The following MACROH2A2 variants were observed in gnomAD, a reference collection of about 807,000 sequenced individuals.
The protein encoded by MACROH2A2 is macroH2A.2 histone.
In MACROH2A2, 6 loss-of-function variants were observed where a neutral mutation model predicts 37.6. The observed-to-expected ratio is 0.16, with a 90% CI of 0.09 to 0.32. The LOEUF is 0.32. Among genes scored for constraint, MACROH2A2 ranks in the 10% least tolerant of loss-of-function variants. MACROH2A2 has a pLI of 1.00. For synonymous variants in MACROH2A2, 192 were observed against 202.7 expected (o/e 0.95, Z 0.45); for missense variants, 290 against 485.9 (o/e 0.60, Z 3.79).
At chr10:70,069,588 C>T (rs555213158) in intron 1 of MACROH2A2, among the ~76,000 whole-genome samples, 3 of 152,200 alleles carry the variant, frequency 2.0e-5, no homozygotes, top group African/African-American at 7.2e-5. Context: ...CCAAGAGCTG[C>T]GTCCAGCCAT....
intron 1 of MACROH2A2, among the ~76,000 whole-genome samples, chr10:70,054,309 G>C (rs1416898738): frequency 6.6e-6 from 1 of 152,146 alleles, no homozygotes; most frequent in East Asian, 1.9e-4. Flanking sequence ...GACGCGATGG[G>C]AACCGTGGCT....
At chr10:70,069,150 A>G (rs1412910037) in intron 1 of MACROH2A2, among the ~76,000 whole-genome samples, 1 of 152,200 alleles carries the variant, frequency 6.6e-6, no homozygotes, top group Non-Finnish European at 1.5e-5. Context: ...CCGGTGTTAT[A>G]TATAAAATCT....
chr10:70,095,106 C>T (rs188282543), intron 5 of MACROH2A2, among the ~76,000 whole-genome samples: 2 of 152,280 alleles, frequency 1.3e-5, no homozygotes, highest in African/African-American at 4.8e-5. Flanking sequence ...CGGTGGCTCA[C>T]GCCTGTAATC....
chr10:70,108,801 C>T (rs927403237), intron 7 of MACROH2A2, among the ~76,000 whole-genome samples: 6 of 152,140 alleles, frequency 3.9e-5, no homozygotes, highest in African/African-American at 7.2e-5. Flanking sequence ...GAAAATGGCG[C>T]ATCAGAGCAG....
Position 70,102,043 on chromosome 10 carries a change from A to G in MACROH2A2, c.778+1746A>G, listed in dbSNP as rs142646415. Among the ~76,000 whole-genome samples, 33 of 152,246 alleles carry G rather than the reference A, an allele frequency of 2.2e-4. No homozygotes were observed. In the South Asian group the frequency reaches 5.4e-3, roughly 25 times the overall value. On this transcript the variant is annotated intron_variant, in intron 7 of 8. Coordinates refer to ENST00000373255, the MANE Select transcript of MACROH2A2 (RefSeq NM_018649.3). ...CATGTTCCCACCCACATGACTCCCAATCAGTTCACTCCTTGTACCCTCAGT... is the reference window on the plus strand; with the variant it reads ...CATGTTCCCACCCACATGACTCCCAGTCAGTTCACTCCTTGTACCCTCAGT...
chr10:70,096,116 C>T (rs2072275116), intron 6 of MACROH2A2, among the ~76,000 whole-genome samples: 2 of 152,128 alleles, frequency 1.3e-5, no homozygotes, highest in Non-Finnish European at 2.9e-5. Context: ...CAAGGGTAAC[C>T]ACTGTCCTTT....
intron 7 of MACROH2A2, among the ~76,000 whole-genome samples, chr10:70,102,996 T>G (rs951479582): frequency 1.3e-4 from 20 of 151,438 alleles, no homozygotes; most frequent in Non-Finnish European, 1.5e-5. Flanking sequence ...TGTATCAGAG[T>G]ATAAAGAGGG....
intron 6 of MACROH2A2, among the ~76,000 whole-genome samples, chr10:70,099,953 G>T (rs2072296959): frequency 6.6e-6 from 1 of 152,208 alleles, no homozygotes; most frequent in Admixed American, 6.5e-5. Flanking sequence ...CAAGACTCAA[G>T]CCATGAGACC....
chr10:70,080,461 C>G (rs2072169260), intron 2 of MACROH2A2, among the ~76,000 whole-genome samples: 1 of 152,110 alleles, frequency 6.6e-6, no homozygotes, highest in Non-Finnish European at 1.5e-5. Flanking sequence ...GAGGGCTGGG[C>G]AGAGTGGCTC....
At chr10:70,058,021 T>C (rs960352879) in intron 1 of MACROH2A2, among the ~76,000 whole-genome samples, 3 of 152,168 alleles carry the variant, frequency 2.0e-5, no homozygotes, top group Non-Finnish European at 4.4e-5. Flanking sequence ...AAGGAGCTGG[T>C]AGCTTTCCGA....
At position 70,102,716 on chromosome 10, in the gene MACROH2A2, CAAA is replaced by C. The variant is rs59862078; in HGVS notation, c.778+2427_778+2429del. On this transcript the variant is annotated intron_variant, in intron 7 of 8. Coordinates refer to ENST00000373255, the MANE Select transcript of MACROH2A2 (RefSeq NM_018649.3). ...TGGGCAACAGAGAAAGATTCTGTCT[CAAA>C]AAAAAAAGAAAAAAGAAGAAAAGAA... Among the ~76,000 whole-genome samples the C allele has an allele frequency of 2.6e-3, 373 of 141,564 alleles. 12 individuals are homozygous for C. The East Asian group carries it at 0.068, about 26-fold the overall frequency. 92.9% of individuals were successfully genotyped at this position (141,564 alleles called of 152,430 possible). A position where few individuals can be genotyped will look rare whatever the true frequency, so the allele number is the denominator to read the frequency against.
At chr10:70,084,322 A>C (rs2072198171) in intron 2 of MACROH2A2, among the ~76,000 whole-genome samples, 1 of 152,210 alleles carries the variant, frequency 6.6e-6, no homozygotes, top group Non-Finnish European at 1.5e-5. Context: ...TAGACTACAA[A>C]GATTTGTGTA....
chr10:70,056,163 G>A (rs144552991), intron 1 of MACROH2A2, among the ~76,000 whole-genome samples: 1,687 of 152,290 alleles, frequency 0.011, 41 homozygotes, highest in African/African-American at 0.038. Flanking sequence ...TAGAGGAATT[G>A]TCAAGAAGGG....
chr10:70,088,094 C>G (rs1045431502), intron 2 of MACROH2A2, among the ~76,000 whole-genome samples: 3 of 152,318 alleles, frequency 2.0e-5, no homozygotes, highest in African/African-American at 7.2e-5. Flanking sequence ...AGCATATCCT[C>G]CCAGCACATA....
At chr10:70,080,668 G>C (rs1205201380) in intron 2 of MACROH2A2, among the ~76,000 whole-genome samples, 1 of 151,828 alleles carries the variant, frequency 6.6e-6, no homozygotes, top group Non-Finnish European at 1.5e-5. Context: ...GATCACCTGA[G>C]GTCAGGAGTT....
intron 7 of MACROH2A2, among the ~76,000 whole-genome samples, chr10:70,102,168 G>C (rs1027285356): frequency 6.6e-6 from 1 of 152,206 alleles, no homozygotes; most frequent in African/African-American, 2.4e-5. Flanking sequence ...CTCAGCGTAG[G>C]GGAGCGTGGG....
chr10:70,060,367 TA>T (rs80278752), intron 1 of MACROH2A2, among the ~76,000 whole-genome samples: 10 of 146,438 alleles, frequency 6.8e-5, no homozygotes, highest in Non-Finnish European at 7.6e-5. Flanking sequence ...CAGACTCTCT[TA>T]AAAAAAAAAG....
intron 2 of MACROH2A2, among the ~76,000 whole-genome samples, chr10:70,087,969 G>A (rs2136633288): frequency 6.6e-6 from 1 of 152,312 alleles, no homozygotes; most frequent in Non-Finnish European, 1.5e-5. Flanking sequence ...GATTGCCGTA[G>A]ATTTTATGAA....
intron 7 of MACROH2A2, 138 bp from the exon 8 acceptor site, chr10:70,108,895 T>C: frequency 1.4e-6 from 1 of 740,400 alleles, no homozygotes; most frequent in Non-Finnish European, 2.4e-6. Flanking sequence ...ATAGTCCACA[T>C]CAGGAGCACA....
Sources: gnomAD v4.1 joint callset for allele counts (sites outside exome capture counted in the v4.1 genomes callset) on GRCh38, gnomAD v4.1.1 for gene constraint, MANE v1.5 for transcripts, NCBI Gene and HGNC (gene_info 2026-07-23, HGNC 2026-07-21) for gene names.